The following SCN9A variants were observed in gnomAD, a reference collection of about 807,000 sequenced individuals.
The protein encoded by SCN9A is sodium channel protein type 9 subunit alpha.
Under a neutral mutation model 187.0 loss-of-function variants are expected in SCN9A, and 131 were observed. That is an observed-to-expected ratio of 0.70 (90% CI 0.61 to 0.81). The LOEUF (loss-of-function observed/expected upper bound fraction) is 0.81. Ranked by LOEUF, SCN9A falls within the 30% of genes least tolerant of loss-of-function variation. SCN9A has a pLI of 0.00. For missense variants in SCN9A, 2,252 were observed against 2,396.6 expected (o/e 0.94, Z 1.26); for synonymous variants, 809 against 808.6 (o/e 1.00, Z -0.01).
chr2:166,305,667 A>G, intron 5 of SCN9A, 125 bp downstream of exon 5: 1 of 1,315,688 alleles, frequency 7.6e-7, no homozygotes, highest in Non-Finnish European at 1.1e-6. Flanking sequence ...TATAGCTTCC[A>G]TTTTCCTTTA....
At chr2:166,303,363 C>G in intron 6 of SCN9A, 61 bp from the exon 7 acceptor site, 1 of 1,316,694 alleles carries the variant, frequency 7.6e-7, no homozygotes, top group East Asian at 2.3e-5. Flanking sequence ...AAACAAAAAA[C>G]ACAAGCTTTC....
chr2:166,245,585 A>C (rs1695751413), intron 18 of SCN9A, among the ~76,000 whole-genome samples: 1 of 152,036 alleles, frequency 6.6e-6, no homozygotes, highest in Non-Finnish European at 1.5e-5. Context: ...TTATTAAAGC[A>C]ACTAGAATTA....
In SCN9A at chr2:166,197,972, C is replaced by T. The variant is rs1180322760; in HGVS notation, c.*700G>A. The T allele has an allele frequency of 6.6e-6, 1 of 151,990 alleles. No individual in the cohort carries two copies. Among genetic ancestry groups the T allele is most frequent in the Non-Finnish European group, 1.5e-5 (1 of 67,978 alleles). 9.4% of individuals were successfully genotyped at this position (151,990 alleles called of 1,614,324 possible). A position where few individuals can be genotyped will look rare whatever the true frequency, so the allele number is the denominator to read the frequency against. On this transcript the variant is annotated 3_prime_UTR_variant, in exon 27 of 27. Transcript: ENST00000642356. Reference sequence around the variant, plus strand: ...ATATGAAAGAAGAAAGGCTATGAAACACAATACTCTAAAGGTAAGTCTTAT... The same window carrying T: ...ATATGAAAGAAGAAAGGCTATGAAATACAATACTCTAAAGGTAAGTCTTAT...
chr2:166,277,350 A>G lies in SCN9A; in HGVS notation c.2518-11T>C, dbSNP rs1474135809. 3 of 1,561,416 alleles carry G rather than the reference A, an allele frequency of 1.9e-6. No homozygotes were observed. The highest frequency in any genetic ancestry group is 2.6e-6 in the Non-Finnish European group (3 of 1,138,506). ...CTTGAAGACTCGGAGCTAAAAGCAA[A>G]TATAAAGTTTAATGTTAATCACTAT... On this transcript the variant is annotated splice_polypyrimidine_tract_variant and intron_variant, in intron 15 of 26. Transcript: ENST00000642356.
intron 16 of SCN9A, among the ~76,000 whole-genome samples, chr2:166,275,602 C>T (rs1032568702): frequency 6.7e-6 from 1 of 149,876 alleles, no homozygotes; most frequent in African/African-American, 2.5e-5. Context: ...AAAAAATACA[C>T]AAGCAAATCC....
chr2:166,234,822 A>G (rs559058831), intron 20 of SCN9A, among the ~76,000 whole-genome samples: 3 of 152,130 alleles, frequency 2.0e-5, no homozygotes, highest in Non-Finnish European at 4.4e-5. Flanking sequence ...CTTAATTCCC[A>G]ATGTAACAGT....
At chr2:166,252,299 C>T (rs1239696903) in intron 17 of SCN9A, among the ~76,000 whole-genome samples, 1 of 151,898 alleles carries the variant, frequency 6.6e-6, no homozygotes, top group African/African-American at 2.4e-5. Context: ...TGTCAAATTA[C>T]TAATGCCTGA....
At chr2:166,231,364 G>A (rs780064674) in intron 21 of SCN9A, among the ~76,000 whole-genome samples, 7 of 151,966 alleles carry the variant, frequency 4.6e-5, no homozygotes, top group Non-Finnish European at 7.4e-5. Flanking sequence ...CTTGGAAACC[G>A]TTATACACTG....
intron 1 of SCN9A, among the ~76,000 whole-genome samples, chr2:166,343,540 TTC>T (rs10600584): frequency 0.21 from 31,438 of 152,112 alleles, 4,065 homozygotes; most frequent in African/African-American, 0.37. Flanking sequence ...TGAATTGCAG[TTC>T]TGTTTTTTTC....
chr2:166,324,996 GTTAA>G (rs1699329853), intron 1 of SCN9A, among the ~76,000 whole-genome samples: 2 of 152,138 alleles, frequency 1.3e-5, no homozygotes, highest in African/African-American at 4.8e-5. Flanking sequence ...ACATGGTTTT[GTTAA>G]TTGTGACAAA....
Position 166,247,311 on chromosome 2 carries a change from C to T in SCN9A, c.3472+4454G>A, listed in dbSNP as rs182832321. On this transcript the variant is annotated intron_variant, in intron 18 of 26. Coordinates refer to ENST00000642356, the MANE Select transcript of SCN9A (RefSeq NM_001365536.1). Reference sequence around the variant, plus strand: ...ACAAGCTTTTTTCACCATTTCTTAACATCAAATATAACTAAAACAAATATT... The same window carrying T: ...ACAAGCTTTTTTCACCATTTCTTAATATCAAATATAACTAAAACAAATATT... Among the ~76,000 whole-genome samples, 297 of 151,746 alleles carry T rather than the reference C, an allele frequency of 2.0e-3. 1 individual carries two copies. The highest frequency in any genetic ancestry group is 6.5e-3 in the African/African-American group (269 of 41,454).
chr2:166,240,518 C>T (rs547578327), intron 19 of SCN9A, among the ~76,000 whole-genome samples: 1 of 152,254 alleles, frequency 6.6e-6, no homozygotes, highest in Admixed American at 6.5e-5. Flanking sequence ...TTACTCCAAA[C>T]TTTAATTTTT....
intron 1 of SCN9A, among the ~76,000 whole-genome samples, chr2:166,373,166 T>C (rs916611395): frequency 1.3e-5 from 2 of 152,116 alleles, no homozygotes; most frequent in African/African-American, 4.8e-5. Flanking sequence ...AGGAGCACCT[T>C]AATGAGAAGA....
rs762086202 is a variant in SCN9A at position 166,311,485 on chromosome 2, CA to C, written c.258+13del. The C allele has an allele frequency of 6.6e-7, 1 of 1,513,958 alleles. No individual in the cohort carries two copies. The highest frequency in any genetic ancestry group is 1.4e-5 in the South Asian group (1 of 70,672). The allele number at this position is 1,513,958 out of a possible 1,614,324, so 93.8% of individuals were successfully genotyped here. A position where few individuals can be genotyped will look rare whatever the true frequency, so the allele number is the denominator to read the frequency against. ...GCCAACAGAAACTGACCACTGAAGT[CA>C]AAATAAACTCACCTTTTTGTCTGCA... is the stretch of plus-strand genomic sequence containing the variant. On this transcript the variant is annotated intron_variant, in intron 2 of 26. Transcript: ENST00000642356.
Position 166,293,279 on chromosome 2 carries a change from G to T in SCN9A, c.1059C>A (p.Ala353=). 6.3e-7 allele frequency: 1 copy of T among 1,597,124 alleles called. No individual in the cohort carries two copies. The highest frequency in any genetic ancestry group is 8.5e-7 in the Non-Finnish European group (1 of 1,170,808). Residue 353 remains alanine, a synonymous_variant, in exon 9 of 27, where the codon GCC becomes GCA. Coordinates refer to ENST00000642356, the MANE Select transcript of SCN9A (RefSeq NM_001365536.1). ...SFDTFSWAFL[A]LFRLMTQDYW... is the part of the protein sequence containing the mutation. Reference sequence around the variant, plus strand: ...AATCTTGGGTCATTAGCCTAAACAAGGCTAAGAAGGCCCAGCTGAAAGTGT... The same window carrying T: ...AATCTTGGGTCATTAGCCTAAACAATGCTAAGAAGGCCCAGCTGAAAGTGT...
rs1360857075 is a variant in SCN9A at position 166,311,471 on chromosome 2, C to T, written c.258+28G>A. The T allele has an allele frequency of 2.0e-6, 3 of 1,468,796 alleles. No individual in the cohort carries two copies. In the East Asian group the frequency reaches 7.0e-5, roughly 34 times the overall value. The allele number at this position is 1,468,796 out of a possible 1,614,324, so 91.0% of individuals were successfully genotyped here. On this transcript the variant is annotated intron_variant, in intron 2 of 26. Coordinates refer to ENST00000642356, the MANE Select transcript of SCN9A (RefSeq NM_001365536.1). ...TTATACAGAAGGAAGCCAACAGAAACTGACCACTGAAGTCAAAATAAACTC... is the reference window on the plus strand; with the variant it reads ...TTATACAGAAGGAAGCCAACAGAAATTGACCACTGAAGTCAAAATAAACTC...
At chr2:166,277,655 C>T (rs921662077) in intron 15 of SCN9A, 1 of 264,840 alleles carries the variant, frequency 3.8e-6, no homozygotes, top group Non-Finnish European at 7.1e-6. Flanking sequence ...ATTCTACTTT[C>T]TAATACTTTC....
In SCN9A at chr2:166,272,088, T is replaced by C. The variant is rs560926069; in HGVS notation, c.3351+311A>G. ...AAGGTGATGAAAAGGAGAGGTGGAT[T>C]CAAACAGGCACTGTGGAGGGAGACT... On this transcript the variant is annotated intron_variant, in intron 17 of 26. Transcript: ENST00000642356. Among the ~76,000 whole-genome samples the C allele has an allele frequency of 1.1e-4, 16 of 152,120 alleles. No individual in the cohort carries two copies. The South Asian group carries it at 3.3e-3, about 32-fold the overall frequency.
intron 7 of SCN9A, among the ~76,000 whole-genome samples, chr2:166,299,189 T>A (rs1295301358): frequency 7.0e-6 from 1 of 143,560 alleles, no homozygotes; most frequent in Non-Finnish European, 1.5e-5. Context: ...TAGCAAAACA[T>A]CCATACAAAA....
Sources: gnomAD v4.1 joint callset for allele counts (sites outside exome capture counted in the v4.1 genomes callset) on GRCh38, gnomAD v4.1.1 for gene constraint, MANE v1.5 for transcripts, NCBI Gene and HGNC (gene_info 2026-07-23, HGNC 2026-07-21) for gene names.